RIMS1: variants seen among roughly 807,000 people sequenced by gnomAD.
RIMS1 encodes the protein regulating synaptic membrane exocytosis protein 1.
In RIMS1, 83 loss-of-function variants were observed where a neutral mutation model predicts 214.1. That is an observed-to-expected ratio of 0.39 (90% CI 0.32 to 0.47). RIMS1 has a LOEUF of 0.47. RIMS1 is among the 20% of genes least tolerant of loss of function. RIMS1 has a pLI of 0.99. For synonymous variants in RIMS1, 793 were observed against 786.8 expected (o/e 1.01, Z -0.13); for missense variants, 2,050 against 2,161.8 (o/e 0.95, Z 1.03).
Position 72,401,268 on chromosome 6 carries a change from AT to A in RIMS1, c.*556del, listed in dbSNP as rs2098833785. On this transcript the variant is annotated 3_prime_UTR_variant, in exon 34 of 34. Coordinates refer to ENST00000521978, the MANE Select transcript of RIMS1 (RefSeq NM_014989.7). ...GACAGGCCTCATGATGCTAACAGAG[AT>A]TCTTCCCTTCTTTTTTCCAAAAGCA... 1 of 152,382 alleles carries A rather than the reference AT, an allele frequency of 6.6e-6. No individual in the cohort carries two copies. The highest frequency in any genetic ancestry group is 2.4e-5 in the African/African-American group (1 of 41,306). The allele number at this position is 152,382 out of a possible 1,614,324, so 9.4% of individuals were successfully genotyped here.
chr6:72,144,689 A>T (rs534328864), intron 4 of RIMS1, among the ~76,000 whole-genome samples: 2 of 151,676 alleles, frequency 1.3e-5, no homozygotes, highest in Non-Finnish European at 2.9e-5. Context: ...GATTTGCAGG[A>T]TAATTGCCCA....
chr6:72,081,462 C>T (rs371338314), intron 2 of RIMS1, among the ~76,000 whole-genome samples: 51 of 152,168 alleles, frequency 3.4e-4, no homozygotes, highest in African/African-American at 1.1e-3. Flanking sequence ...TTCAAAGTTT[C>T]GCATAGATGG....
rs150287481 is a variant in RIMS1, at chr6:72,226,590, A to T, written c.1679-7183A>T. On this transcript the variant is annotated intron_variant, in intron 6 of 33. Coordinates refer to ENST00000521978, the MANE Select transcript of RIMS1 (RefSeq NM_014989.7). ...ATTACCGGAAGTTAGGAAGCTTACA[A>T]CCTATTAGAAAATAAATATTAAAAT... 6.0e-3 allele frequency among the ~76,000 whole-genome samples: 919 copies of T among 152,198 alleles called. 29 individuals are homozygous for T. The highest frequency in any genetic ancestry group is 0.036 in the Admixed American group (543 of 15,268).
At chr6:72,252,448 A>T (rs1253247912) in intron 15 of RIMS1, among the ~76,000 whole-genome samples, 2 of 152,136 alleles carry the variant, frequency 1.3e-5, no homozygotes, top group African/African-American at 2.4e-5. Context: ...TTGTGTAGAA[A>T]ACAATGTACT....
At chr6:72,292,737 A>C (rs1376394417) in intron 26 of RIMS1, among the ~76,000 whole-genome samples, 1 of 152,158 alleles carries the variant, frequency 6.6e-6, no homozygotes, top group African/African-American at 2.4e-5. Context: ...ATATCTTAGT[A>C]GATGACATGA....
At chr6:71,952,938 T>C (rs1274588489) in intron 1 of RIMS1, among the ~76,000 whole-genome samples, 3 of 151,734 alleles carry the variant, frequency 2.0e-5, no homozygotes, top group Admixed American at 2.0e-4. Flanking sequence ...CTCACAGTAA[T>C]GGCAGTCAAG....
At chr6:72,072,613 C>G (rs1830826184) in intron 2 of RIMS1, among the ~76,000 whole-genome samples, 1 of 152,096 alleles carries the variant, frequency 6.6e-6, no homozygotes, top group Non-Finnish European at 1.5e-5. Context: ...GTTATTCATT[C>G]AACACTTAAG....
intron 11 of RIMS1, 51 bp downstream of exon 11, chr6:72,245,912 T>G: frequency 7.9e-7 from 1 of 1,266,322 alleles, no homozygotes; most frequent in Non-Finnish European, 1.1e-6. Context: ...TAATTGAAAG[T>G]AAAGATTTCT....
At chr6:72,018,880 T>C (rs1813643266) in intron 2 of RIMS1, among the ~76,000 whole-genome samples, 1 of 152,208 alleles carries the variant, frequency 6.6e-6, no homozygotes, top group Admixed American at 6.5e-5. Context: ...TGCCATATCT[T>C]AGACTATAGT....
chr6:71,962,255 C>A (rs1008037089), intron 1 of RIMS1, among the ~76,000 whole-genome samples: 3 of 152,078 alleles, frequency 2.0e-5, no homozygotes, highest in Non-Finnish European at 2.9e-5. Context: ...TCTTATTAAT[C>A]TTTGTAGTGA....
rs9446603 is a variant in RIMS1 at position 72,215,727 on chromosome 6, T to G, written c.1679-18046T>G. ...CCAGCTTTAAGCATAGGCGGAAGTT[T>G]GGGAAAAGAAAAAAAAGCAAACAGA... On this transcript the variant is annotated intron_variant, in intron 6 of 33. Transcript: ENST00000521978. 8.6e-3 allele frequency among the ~76,000 whole-genome samples: 1,302 copies of G among 152,268 alleles called. 17 individuals carry two copies. Among genetic ancestry groups the G allele is most frequent in the African/African-American group, 0.03 (1,262 of 41,566 alleles).
rs369708786 is a variant in RIMS1, at chr6:71,921,012, A to G, written c.164+33825A>G. Among the ~76,000 whole-genome samples, 442 of 152,386 alleles carry G rather than the reference A, an allele frequency of 2.9e-3. 5 individuals are homozygous for G. In the South Asian group the frequency reaches 0.038, roughly 13 times the overall value. On this transcript the variant is annotated intron_variant, in intron 1 of 33. Coordinates refer to ENST00000521978, the MANE Select transcript of RIMS1 (RefSeq NM_014989.7). ...TAATAATAACCAAAGCCATTCTTCT[A>G]GAAGTCCTGGATAGGAGGACATCTG...
At chr6:72,037,264 G>A (rs1819904637) in intron 2 of RIMS1, among the ~76,000 whole-genome samples, 1 of 151,830 alleles carries the variant, frequency 6.6e-6, no homozygotes, top group African/African-American at 2.4e-5. Flanking sequence ...GTGACTGTCA[G>A]GATTTAGTGG....
intron 9 of RIMS1, among the ~76,000 whole-genome samples, chr6:72,240,278 G>A (rs1448888239): frequency 6.6e-6 from 1 of 152,050 alleles, no homozygotes; most frequent in Non-Finnish European, 1.5e-5. Flanking sequence ...TATGCGTCCA[G>A]GTTGCCGCTT....
At chr6:72,199,120 G>A (rs2051485500) in intron 6 of RIMS1, among the ~76,000 whole-genome samples, 1 of 151,998 alleles carries the variant, frequency 6.6e-6, no homozygotes, top group Non-Finnish European at 1.5e-5. Context: ...TAAGAAGAAG[G>A]TCATGGATTC....
At position 72,284,111 on chromosome 6, in the gene RIMS1, G is replaced by T; in HGVS notation, c.3547G>T (p.Ala1183Ser). 1 of 1,612,902 alleles carries T rather than the reference G, an allele frequency of 6.2e-7. No individual in the cohort carries two copies. The highest frequency in any genetic ancestry group is 8.5e-7 in the Non-Finnish European group (1 of 1,179,086). The change falls in exon 24 of 34, where the codon GCA (alanine) becomes TCA (serine). Residue 1183 changes from alanine to serine, a missense_variant. Ala to Ser is a moderately conservative substitution (Grantham distance 99). Transcript: ENST00000521978. ...GACTAGGAAAGGCACTGCCTCTGATGCAGAAAGGTAGGCTTGGTGTTGTGG... is the reference window on the plus strand; with the variant it reads ...GACTAGGAAAGGCACTGCCTCTGATTCAGAAAGGTAGGCTTGGTGTTGTGG... ...KQTRKGTASD[A>S]ERVLPTCLSR...
At chr6:71,989,089 G>A (rs550776682) in intron 2 of RIMS1, among the ~76,000 whole-genome samples, 2 of 152,288 alleles carry the variant, frequency 1.3e-5, no homozygotes, top group Admixed American at 6.5e-5. Flanking sequence ...GAAGAAGTAT[G>A]GAAGTATATG....
At chr6:72,102,999 C>T (rs2033949797) in intron 4 of RIMS1, among the ~76,000 whole-genome samples, 3 of 151,956 alleles carry the variant, frequency 2.0e-5, no homozygotes, top group Admixed American at 2.0e-4. Flanking sequence ...ATGTTTTCTT[C>T]TTTTTATCTG....
intron 1 of RIMS1, among the ~76,000 whole-genome samples, chr6:71,954,924 A>G (rs933443084): frequency 1.3e-5 from 2 of 151,680 alleles, no homozygotes; most frequent in African/African-American, 2.4e-5. Flanking sequence ...GATTCTTGTC[A>G]TCATTGATTA....
Sources: gnomAD v4.1 joint callset for allele counts (sites outside exome capture counted in the v4.1 genomes callset) on GRCh38, gnomAD v4.1.1 for gene constraint, MANE v1.5 for transcripts, NCBI Gene and HGNC (gene_info 2026-07-23, HGNC 2026-07-21) for gene names.